The following OPCML variants were observed in gnomAD, a reference collection of about 807,000 sequenced individuals.
The protein encoded by OPCML is opioid-binding protein/cell adhesion molecule.
A neutral mutation model predicts 37.8 loss-of-function variants in OPCML; 13 were observed. That is an observed-to-expected ratio of 0.34 (90% CI 0.22 to 0.55). The LOEUF is 0.55. OPCML is among the 20% of genes least tolerant of loss of function. The pLI is 0.91. For missense variants in OPCML, 341 were observed against 435.6 expected (o/e 0.78, Z 1.93); for synonymous variants, 176 against 168.8 (o/e 1.04, Z -0.33).
At chr11:133,047,786 T>C (rs1255210709) in intron 1 of OPCML, among the ~76,000 whole-genome samples, 1 of 152,198 alleles carries the variant, frequency 6.6e-6, no homozygotes, top group Non-Finnish European at 1.5e-5. Context: ...GAAAATAGTT[T>C]CATGAGAAGA....
intron 3 of OPCML, 51 bp from the exon 4 acceptor site, chr11:132,529,237 A>C (rs770983863): frequency 6.5e-7 from 1 of 1,548,564 alleles, no homozygotes; most frequent in South Asian, 1.2e-5. Flanking sequence ...CTTTGCACTT[A>C]AAAGGAGGTG....
rs1004710069 is a variant in OPCML at position 133,196,283 on chromosome 11, G to A, written c.62-253273C>T. Among the ~76,000 whole-genome samples the A allele has an allele frequency of 8.5e-5, 13 of 152,196 alleles. No homozygotes were observed. The South Asian group carries it at 1.7e-3, about 19-fold the overall frequency. ...TGTTATTAGTGGATTTCTCAAACAC[G>A]TTGGTGATTTTAATGTCAGTTTAAT... On this transcript the variant is annotated intron_variant, in intron 1 of 7. Transcript: ENST00000524381.
chr11:133,466,057 T>C (rs1269677163), intron 1 of OPCML, among the ~76,000 whole-genome samples: 3 of 152,188 alleles, frequency 2.0e-5, no homozygotes. Context: ...AATCATAACA[T>C]TATATATTTG....
intron 4 of OPCML, among the ~76,000 whole-genome samples, chr11:132,441,783 C>T (rs915593041): frequency 6.6e-6 from 1 of 152,192 alleles, no homozygotes; most frequent in Non-Finnish European, 1.5e-5. Context: ...CAAATGAGGC[C>T]ATTCATCCGG....
intron 2 of OPCML, among the ~76,000 whole-genome samples, chr11:132,839,436 C>A (rs563966258): frequency 2.0e-5 from 3 of 152,190 alleles, no homozygotes; most frequent in African/African-American, 7.2e-5. Context: ...ATATGGGAGG[C>A]GCTTGGCTGC....
chr11:132,471,027 G>C (rs1361917596), intron 4 of OPCML, among the ~76,000 whole-genome samples: 1 of 152,196 alleles, frequency 6.6e-6, no homozygotes, highest in African/African-American at 2.4e-5. Flanking sequence ...GACAATGTGA[G>C]GTCCTAGAAG....
Position 132,656,829 on chromosome 11 carries a change from TCAATA to T in OPCML, c.379+253_379+257del, listed in dbSNP as rs1941731051. 3.9e-5 allele frequency among the ~76,000 whole-genome samples: 6 copies of T among 152,304 alleles called. No individual in the cohort carries two copies. The South Asian group carries it at 1.2e-3, about 32-fold the overall frequency. On this transcript the variant is annotated intron_variant, in intron 3 of 7. Coordinates refer to ENST00000524381, the MANE Select transcript of OPCML (RefSeq NM_001012393.5). Reference sequence around the variant, plus strand: ...AGAGTGCTAAGTAACTTACGAGAGCTCAATACGAGTGCATGTTACACAACGTATTG... The same window carrying T: ...AGAGTGCTAAGTAACTTACGAGAGCTCGAGTGCATGTTACACAACGTATTG...
chr11:132,520,843 T>C (rs1366863674), intron 4 of OPCML, among the ~76,000 whole-genome samples: 1 of 152,160 alleles, frequency 6.6e-6, no homozygotes, highest in South Asian at 2.1e-4. Context: ...AACATATGTG[T>C]GGATGTGTCT....
At chr11:132,539,697 TTGA>T (rs2096350976) in intron 3 of OPCML, among the ~76,000 whole-genome samples, 1 of 151,606 alleles carries the variant, frequency 6.6e-6, no homozygotes, top group Admixed American at 6.6e-5. Flanking sequence ...AATGGTGATG[TTGA>T]TGATAATGGT....
intron 1 of OPCML, among the ~76,000 whole-genome samples, chr11:133,156,835 G>T (rs1419782051): frequency 6.6e-6 from 1 of 152,070 alleles, no homozygotes; most frequent in Non-Finnish European, 1.5e-5. Flanking sequence ...GTTTCGTTTT[G>T]TTGTTGCTGT....
intron 3 of OPCML, among the ~76,000 whole-genome samples, chr11:132,532,999 A>G (rs552923137): frequency 1.3e-5 from 2 of 152,234 alleles, no homozygotes; most frequent in African/African-American, 4.8e-5. Flanking sequence ...ATTTTTAGAC[A>G]AGTATCTGTA....
At position 132,872,056 on chromosome 11, in the gene OPCML, A is replaced by T. The variant is rs1942816574; in HGVS notation, c.146+70870T>A. Among the ~76,000 whole-genome samples the T allele has an allele frequency of 2.6e-5, 4 of 152,212 alleles. No homozygotes were observed. The South Asian group carries it at 6.2e-4, about 24-fold the overall frequency. On this transcript the variant is annotated intron_variant, in intron 2 of 7. Transcript: ENST00000524381. Reference sequence around the variant, plus strand: ...TGCCTAGCACTGTTTCCTTTCTAACATATTATGTTGTTTTAAACTATTTAT... The same window carrying T: ...TGCCTAGCACTGTTTCCTTTCTAACTTATTATGTTGTTTTAAACTATTTAT...
chr11:133,347,847 T>G (rs1334249433), intron 1 of OPCML, among the ~76,000 whole-genome samples: 1 of 152,112 alleles, frequency 6.6e-6, no homozygotes, highest in Non-Finnish European at 1.5e-5. Flanking sequence ...GATCCTGAAA[T>G]TGCCTGAATT....
At chr11:133,062,730 C>A (rs1001494145) in intron 1 of OPCML, among the ~76,000 whole-genome samples, 1 of 152,230 alleles carries the variant, frequency 6.6e-6, no homozygotes, top group South Asian at 2.1e-4. Context: ...CAGCTTCCAT[C>A]TCCTGTTCCA....
chr11:133,191,493 C>CTGTG (rs1446165738), intron 1 of OPCML, among the ~76,000 whole-genome samples: 4 of 119,716 alleles, frequency 3.3e-5, no homozygotes, highest in East Asian at 2.0e-4. Flanking sequence ...TTTTTCTTTT[C>CTGTG]TGTGTGTGTG....
chr11:133,018,033 C>T (rs567205624), intron 1 of OPCML, among the ~76,000 whole-genome samples: 49 of 152,258 alleles, frequency 3.2e-4, no homozygotes, highest in African/African-American at 1.0e-3. Flanking sequence ...GCAGCCACTG[C>T]GAGAGGGCTG....
chr11:133,028,762 A>G (rs1947612056), intron 1 of OPCML, among the ~76,000 whole-genome samples: 2 of 152,162 alleles, frequency 1.3e-5, no homozygotes, highest in Non-Finnish European at 2.9e-5. Context: ...AAATCCTAGA[A>G]GAAACCTAGG....
intron 1 of OPCML, among the ~76,000 whole-genome samples, chr11:133,229,072 A>T (rs1222121156): frequency 6.6e-6 from 1 of 152,202 alleles, no homozygotes; most frequent in African/African-American, 2.4e-5. Flanking sequence ...GAGCAGGCCC[A>T]GCACAGAAGC....
At chr11:132,633,675 C>A (rs952462209) in intron 3 of OPCML, among the ~76,000 whole-genome samples, 3 of 152,030 alleles carry the variant, frequency 2.0e-5, no homozygotes, top group Non-Finnish European at 4.4e-5. Context: ...TTCCACAAAC[C>A]TGATCAGATT....
Sources: allele counts gnomAD v4.1 joint callset (sites outside exome capture counted in the v4.1 genomes callset), GRCh38; gene constraint gnomAD v4.1.1; transcripts MANE v1.5; gene names NCBI Gene and HGNC (gene_info 2026-07-23, HGNC 2026-07-21).